The following YTHDC2 variants were observed in gnomAD, a reference collection of about 807,000 sequenced individuals.
YTHDC2 encodes YTH N6-methyladenosine RNA binding protein C2.
In YTHDC2, 45 loss-of-function variants were observed where a neutral mutation model predicts 174.9. The observed-to-expected ratio is 0.26, with a 90% CI of 0.20 to 0.33. The LOEUF (loss-of-function observed/expected upper bound fraction) is 0.33, where lower values mean the gene tolerates loss of function less well. YTHDC2 is among the 10% of genes least tolerant of loss of function. The probability of loss-of-function intolerance (pLI) is 1.00; values close to 1 mark genes in which losing one functional copy is unlikely to be tolerated. For missense variants in YTHDC2, 1,650 were observed against 1,723.7 expected (o/e 0.96, Z 0.76); for synonymous variants, 657 against 574.5 (o/e 1.14, Z -2.05).
At chr5:113,528,522 GA>G (rs1774438818) in intron 4 of YTHDC2, among the ~76,000 whole-genome samples, 1 of 151,536 alleles carries the variant, frequency 6.6e-6, no homozygotes, top group African/African-American at 2.4e-5. Flanking sequence ...GAAGGTGGAA[GA>G]TTTTTTTTTT....
In YTHDC2 at chr5:113,532,918, A is replaced by G. The variant is rs1036458162; in HGVS notation, c.715A>G (p.Ile239Val). The change falls in exon 5 of 30, where the codon ATC becomes GTC. Residue 239 changes from isoleucine to valine, a missense_variant. Around this residue, in one of 5 missense-constraint regions of YTHDC2, gnomAD observed 304 missense variants for 341.4 expected, o/e 0.89. Transcript: ENST00000161863. ...FLLDDCFKNGIPCRIFCTQPR... is the reference protein window; with the variant it reads ...FLLDDCFKNGVPCRIFCTQPR... The stretch of plus-strand genomic sequence containing the variant: ...TTTAGATGATTGCTTTAAAAATGGT[A>G]TCCCCTGCCGTATATTTTGTACTCA... The G allele has an allele frequency of 6.8e-6, 11 of 1,613,720 alleles. No individual in the cohort carries two copies. The highest frequency in any genetic ancestry group is 8.5e-6 in the Non-Finnish European group (10 of 1,179,836).
chr5:113,593,399 A>T lies in YTHDC2; in HGVS notation c.*7+9A>T. The T allele has an allele frequency of 6.3e-7, 1 of 1,597,572 alleles. No homozygotes were observed. The highest frequency in any genetic ancestry group is 8.6e-7 in the Non-Finnish European group (1 of 1,167,290). On this transcript the variant is annotated intron_variant, in intron 29 of 29. Transcript: ENST00000161863. Reference sequence around the variant, plus strand: ...AACTGATTGACACTCAGGTTATACCATCTTGACTTTGAGTATTGGCAGTAT... The same window carrying T: ...AACTGATTGACACTCAGGTTATACCTTCTTGACTTTGAGTATTGGCAGTAT...
intron 23 of YTHDC2, among the ~76,000 whole-genome samples, chr5:113,569,660 G>T (rs1300542992): frequency 6.6e-6 from 1 of 152,172 alleles, no homozygotes; most frequent in Non-Finnish European, 1.5e-5. Flanking sequence ...TTGTAAGTGT[G>T]TGGTCTTATT....
chr5:113,590,239 T>C (rs1334395058), intron 26 of YTHDC2, among the ~76,000 whole-genome samples: 1 of 152,240 alleles, frequency 6.6e-6, no homozygotes, highest in African/African-American at 2.4e-5. Context: ...TTAGTTGCAA[T>C]CAGTTGAATC....
At chr5:113,524,317 T>C (rs567483812) in intron 2 of YTHDC2, among the ~76,000 whole-genome samples, 97 of 152,288 alleles carry the variant, frequency 6.4e-4, no homozygotes, top group African/African-American at 2.3e-3. Flanking sequence ...ATGAAAGATA[T>C]GCTCAGTCCT....
intron 24 of YTHDC2, among the ~76,000 whole-genome samples, chr5:113,580,529 C>T (rs1023035446): frequency 7.9e-5 from 12 of 152,176 alleles, no homozygotes; most frequent in Non-Finnish European, 1.6e-4. Context: ...TTTTGGGAGG[C>T]GTCAAGCTGT....
intron 23 of YTHDC2, among the ~76,000 whole-genome samples, chr5:113,570,088 C>CTTTAT (rs201466998): frequency 0.051 from 7,688 of 151,682 alleles, 265 homozygotes; most frequent in Middle Eastern, 0.15. Flanking sequence ...TTTTATTTTA[C>CTTTAT]TTTATTTTAT....
chr5:113,526,814 A>G (rs1774276445), intron 4 of YTHDC2, 29 bp downstream of exon 4: 1 of 287,944 alleles, frequency 3.5e-6, no homozygotes, highest in Non-Finnish European at 4.8e-6. Flanking sequence ...GTTTATAGAA[A>G]AAAAAAAAAA....
chr5:113,530,283 AT>A (rs1774567701), intron 4 of YTHDC2, among the ~76,000 whole-genome samples: 1 of 151,966 alleles, frequency 6.6e-6, no homozygotes, highest in Non-Finnish European at 1.5e-5. Context: ...TTAAGAGGCT[AT>A]TTTTGACCAA....
chr5:113,577,914 T>C (rs1415410995), intron 23 of YTHDC2, among the ~76,000 whole-genome samples: 1 of 152,196 alleles, frequency 6.6e-6, no homozygotes, highest in Admixed American at 6.5e-5. Flanking sequence ...TTATATATTT[T>C]ATGTACCTTG....
At chr5:113,556,198 T>G (rs1561668336) in intron 17 of YTHDC2, 64 bp downstream of exon 17, 1 of 812,050 alleles carries the variant, frequency 1.2e-6, no homozygotes, top group Non-Finnish European at 2.0e-6. Flanking sequence ...TTATATGCAT[T>G]ACACATTTAT....
chr5:113,582,128 T>C (rs1020476434), intron 25 of YTHDC2: 6 of 152,902 alleles, frequency 3.9e-5, no homozygotes, highest in African/African-American at 1.4e-4. Context: ...TATCTAGATA[T>C]CAATACTGCT....
At chr5:113,580,210 C>G (rs995471656) in intron 24 of YTHDC2, among the ~76,000 whole-genome samples, 5 of 152,130 alleles carry the variant, frequency 3.3e-5, no homozygotes, top group African/African-American at 9.7e-5. Flanking sequence ...CCTCCCATTA[C>G]TATTGCATTG....
intron 20 of YTHDC2, among the ~76,000 whole-genome samples, chr5:113,564,334 T>C (rs537474464): frequency 1.3e-5 from 2 of 152,334 alleles, no homozygotes; most frequent in African/African-American, 4.8e-5. Flanking sequence ...TTTTCCCATT[T>C]TCTCCTTATA....
chr5:113,521,838 G>A (rs201096580), intron 2 of YTHDC2, among the ~76,000 whole-genome samples: 98 of 115,784 alleles, frequency 8.5e-4, no homozygotes, highest in Non-Finnish European at 1.3e-3. Flanking sequence ...AAAAAAAAAA[G>A]AAAAACCCAG....
intron 10 of YTHDC2, 67 bp downstream of exon 10, chr5:113,542,570 A>G (rs1775562165): frequency 6.9e-7 from 1 of 1,449,058 alleles, no homozygotes; most frequent in Non-Finnish European, 9.3e-7. Flanking sequence ...AGTTTAATTC[A>G]AAACGTATGT....
intron 26 of YTHDC2, 133 bp from the exon 27 acceptor site, chr5:113,590,908 A>T: frequency 1.4e-6 from 1 of 733,920 alleles, no homozygotes; most frequent in Non-Finnish European, 2.2e-6. Context: ...TTCAGACATG[A>T]TAGAGCTATT....
intron 4 of YTHDC2, among the ~76,000 whole-genome samples, chr5:113,528,294 A>G (rs1474693963): frequency 6.6e-6 from 1 of 152,166 alleles, no homozygotes; most frequent in Non-Finnish European, 1.5e-5. Flanking sequence ...TTTTAAGAAG[A>G]AACTGTTAAT....
intron 2 of YTHDC2, among the ~76,000 whole-genome samples, chr5:113,522,797 A>G (rs946483494): frequency 4.5e-4 from 68 of 152,322 alleles, no homozygotes; most frequent in African/African-American, 1.6e-3. Context: ...ATGATATATC[A>G]GTGTCACTGT....
Sources: allele counts gnomAD v4.1 joint callset (sites outside exome capture counted in the v4.1 genomes callset), GRCh38; gene constraint gnomAD v4.1.1; regional missense constraint gnomAD v4.1.1; transcripts MANE v1.5; gene names NCBI Gene and HGNC (gene_info 2026-07-23, HGNC 2026-07-21).